The following C10orf88 variants were observed in gnomAD, a reference collection of about 807,000 sequenced individuals.
C10orf88 encodes chromosome 10 open reading frame 88.
A neutral mutation model predicts 34.2 loss-of-function variants in C10orf88; 29 were observed. The observed-to-expected ratio is 0.85, with a 90% CI of 0.63 to 1.16. The LOEUF is 1.16. C10orf88 is among the 50% of genes most tolerant of loss of function. C10orf88 has a pLI of 0.00. For synonymous variants in C10orf88, 194 were observed against 197.4 expected (o/e 0.98, Z 0.15); for missense variants, 507 against 533.2 (o/e 0.95, Z 0.48).
chr10:122,953,515 C>A (rs1024562649), intron 1 of C10orf88, among the ~76,000 whole-genome samples: 1 of 152,164 alleles, frequency 6.6e-6, no homozygotes, highest in Non-Finnish European at 1.5e-5. Context: ...TCTATTTTTT[C>A]CTCAATCAAC....
chr10:122,948,657 G>C lies in C10orf88; in HGVS notation c.640C>G (p.Gln214Glu). Residue 214 changes from glutamine to glutamate, a missense_variant, in exon 4 of 6, where the codon CAG (glutamine) becomes GAG (glutamate). Transcript: ENST00000481909. ...AQQLMDMVRC[Q>E]QRNCIPIGEQ... Reference sequence around the variant, plus strand: ...AATCCATTTCTACTTACCCGCTGCTGACACCTAACCATATCCATCAACTGC... The same window carrying C: ...AATCCATTTCTACTTACCCGCTGCTCACACCTAACCATATCCATCAACTGC... 13 of 1,613,298 alleles carry C rather than the reference G, an allele frequency of 8.1e-6. No homozygotes were observed. The highest frequency in any genetic ancestry group is 1.1e-5 in the Non-Finnish European group (13 of 1,179,562).
rs1361826850 is a variant in C10orf88 at position 122,936,198 on chromosome 10, T to C, written c.1103+1507A>G. 5.9e-5 allele frequency among the ~76,000 whole-genome samples: 9 copies of C among 152,060 alleles called. No individual in the cohort carries two copies. In the East Asian group the frequency reaches 1.7e-3, roughly 29 times the overall value. On this transcript the variant is annotated intron_variant, in intron 5 of 5. Transcript: ENST00000481909. ...TGAGTTTGGTTGGTAGTTTGTGGTT[T>C]TGGGGAAATTAATCCATTTCTCCTA...
intron 4 of C10orf88, among the ~76,000 whole-genome samples, chr10:122,941,389 G>A (rs569629896): frequency 2.0e-4 from 30 of 152,124 alleles, no homozygotes; most frequent in Non-Finnish European, 3.5e-4. Flanking sequence ...AAAACTTGGC[G>A]TGTTGAACTT....
chr10:122,934,600 T>C (rs1277859036), intron 5 of C10orf88, among the ~76,000 whole-genome samples: 8 of 152,160 alleles, frequency 5.3e-5, no homozygotes, highest in Admixed American at 5.2e-4. Flanking sequence ...TTCTGGGATA[T>C]TACAAAGAAA....
intron 5 of C10orf88, among the ~76,000 whole-genome samples, chr10:122,934,060 T>C (rs941088723): frequency 3.9e-5 from 6 of 152,178 alleles, no homozygotes; most frequent in African/African-American, 1.4e-4. Context: ...AGACAGTTTT[T>C]AAGAAACTCT....
At chr10:122,938,247 T>G in intron 4 of C10orf88, 88 bp from the exon 5 acceptor site, 1 of 1,077,656 alleles carries the variant, frequency 9.3e-7, no homozygotes, top group Non-Finnish European at 1.3e-6. Context: ...CACTGTGCAT[T>G]GTTTCATCCA....
chr10:122,942,055 A>G (rs1027749852), intron 4 of C10orf88, among the ~76,000 whole-genome samples: 6 of 152,184 alleles, frequency 3.9e-5, no homozygotes, highest in Admixed American at 2.6e-4. Context: ...ATTTATAAAT[A>G]AAACTATAAA....
Position 122,954,202 on chromosome 10 carries a change from C to A in C10orf88, c.-24G>T. The stretch of plus-strand genomic sequence containing the variant: ...ATTCCGCCGCCTTCAGTCAGGCCAG[C>A]CCAGCCCCGGAACCTCTCTTCCAGT... On this transcript the variant is annotated 5_prime_UTR_variant, in exon 1 of 6. Transcript: ENST00000481909. 1 of 1,524,608 alleles carries A rather than the reference C, an allele frequency of 6.6e-7. No individual in the cohort carries two copies. The allele number at this position is 1,524,608 out of a possible 1,614,324, so 94.4% of individuals were successfully genotyped here. A position where few individuals can be genotyped will look rare whatever the true frequency, so the allele number is the denominator to read the frequency against.
intron 4 of C10orf88, among the ~76,000 whole-genome samples, chr10:122,947,817 T>C (rs991045666): frequency 6.6e-6 from 1 of 152,218 alleles, no homozygotes; most frequent in Non-Finnish European, 1.5e-5. Context: ...AACTTGATTT[T>C]TCTATCATAA....
Position 122,954,035 on chromosome 10 carries a change from C to T in C10orf88, c.144G>A (p.Leu48=), listed in dbSNP as rs748830120. The part of the protein sequence containing the change: ...LGPGDFDWEE[L]LAPPAPGQDL... ...CGCACCCTGGAGCAGGCGGTGCCAG[C>T]AGCTCCTCCCAGTCGAAGTCACCGG... The change falls in exon 1 of 6, where the codon CTG becomes CTA. Residue 48 remains leucine (L), a synonymous_variant. Transcript: ENST00000481909. The T allele has an allele frequency of 2.6e-6, 4 of 1,530,592 alleles. No individual in the cohort carries two copies. The highest frequency in any genetic ancestry group is 2.4e-5 in the South Asian group (2 of 83,554). The allele number at this position is 1,530,592 out of a possible 1,614,324, so 94.8% of individuals were successfully genotyped here.
At chr10:122,934,601 T>G (rs1208863065) in intron 5 of C10orf88, among the ~76,000 whole-genome samples, 1 of 152,168 alleles carries the variant, frequency 6.6e-6, no homozygotes, top group East Asian at 1.9e-4. Flanking sequence ...TCTGGGATAT[T>G]ACAAAGAAAG....
At chr10:122,944,922 C>A (rs1343921037) in intron 4 of C10orf88, among the ~76,000 whole-genome samples, 1 of 151,692 alleles carries the variant, frequency 6.6e-6, no homozygotes, top group Non-Finnish European at 1.5e-5. Context: ...TACATCTCAT[C>A]ACTATTCAAA....
intron 3 of C10orf88, among the ~76,000 whole-genome samples, chr10:122,951,539 A>G (rs1292346086): frequency 6.6e-6 from 1 of 151,858 alleles, no homozygotes; most frequent in Non-Finnish European, 1.5e-5. Flanking sequence ...AAGTCTACTC[A>G]CTGGTCACCG....
chr10:122,954,225 A>T lies in C10orf88; in HGVS notation c.-47T>A, dbSNP rs778184727. 6.9e-7 allele frequency: 1 copy of T among 1,456,870 alleles called. No individual in the cohort carries two copies. The highest frequency in any genetic ancestry group is 1.5e-5 in the African/African-American group (1 of 67,138). The allele number at this position is 1,456,870 out of a possible 1,614,324, so 90.2% of individuals were successfully genotyped here. ...AGCCCAGCCCCGGAACCTCTCTTCCAGTGCTTGAATTTCCGCCGGTACAGC... is the reference window on the plus strand; with the variant it reads ...AGCCCAGCCCCGGAACCTCTCTTCCTGTGCTTGAATTTCCGCCGGTACAGC... On this transcript the variant is annotated 5_prime_UTR_variant, in exon 1 of 6. Coordinates refer to ENST00000481909, the MANE Select transcript of C10orf88 (RefSeq NM_024942.4).
At chr10:122,942,096 A>G (rs1440510312) in intron 4 of C10orf88, among the ~76,000 whole-genome samples, 2 of 152,178 alleles carry the variant, frequency 1.3e-5, no homozygotes, top group East Asian at 3.8e-4. Flanking sequence ...ATAAAAATAT[A>G]TCTAGTTTCA....
rs769593918 is a variant in C10orf88, at chr10:122,948,751, T to C, written c.546A>G (p.Ser182=). The change falls in exon 4 of 6, where the codon TCA becomes TCG. Residue 182 remains serine, a synonymous_variant. Transcript: ENST00000481909. ...TTTGGACCTTGTCAAGGTCTATCCT[T>C]GATCCTAGAGCAGGAGAGCTTGTTG... ...NSSTSSPALG[S]RIDLDKVQTI... is the part of the protein sequence containing the mutation. The C allele has an allele frequency of 3.1e-6, 5 of 1,613,866 alleles. No homozygotes were observed. Among genetic ancestry groups the C allele is most frequent in the East Asian group, 2.2e-5 (1 of 44,884 alleles).
Position 122,937,764 on chromosome 10 carries a change from T to TC in C10orf88, c.1043dup (p.Asn349LysfsTer2). 6.2e-7 allele frequency: 1 copy of TC among 1,612,972 alleles called. No homozygotes were observed. The highest frequency in any genetic ancestry group is 8.5e-7 in the Non-Finnish European group (1 of 1,179,286). ...TGTTTTCCTGACACTCGGTCTTATT[T>TC]CCCACATGGAGATGATTAACTTGAC... On this transcript the variant is annotated frameshift_variant, in exon 5 of 6. Transcript: ENST00000481909. LOFTEE classifies it high-confidence loss of function.
At chr10:122,947,061 ATTATCCT>A (rs1471716389) in intron 4 of C10orf88, among the ~76,000 whole-genome samples, 5 of 152,236 alleles carry the variant, frequency 3.3e-5, no homozygotes, top group African/African-American at 1.2e-4. Flanking sequence ...ATGAGATCCA[ATTATCCT>A]TTGAGGTCAT....
In C10orf88 at chr10:122,948,791, A is replaced by C. The variant is rs1848663822; in HGVS notation, c.506T>G (p.Val169Gly). The C allele has an allele frequency of 6.2e-7, 1 of 1,613,758 alleles. No homozygotes were observed. The highest frequency in any genetic ancestry group is 8.5e-7 in the Non-Finnish European group (1 of 1,179,880). Residue 169 changes from valine to glycine, a missense_variant, in exon 4 of 6, where the codon GTT (valine) becomes GGT (glycine). By Grantham distance (109) the Val-to-Gly change is moderately radical. Transcript: ENST00000481909. ...ISKVVVHMRS[V>G]FANSSTSSPA... ...AGAGCTTGTTGAAGAATTTGCAAAA[A>C]CTGATCTCATGTGTACCACAACTTT...
Sources: gnomAD v4.1 joint callset for allele counts (sites outside exome capture counted in the v4.1 genomes callset) on GRCh38, gnomAD v4.1.1 for gene constraint, MANE v1.5 for transcripts, NCBI Gene and HGNC (gene_info 2026-07-23, HGNC 2026-07-21) for gene names.